The following PRKACB variants were observed in gnomAD, a reference collection of about 807,000 sequenced individuals.
PRKACB encodes protein kinase cAMP-activated catalytic subunit beta.
Under a neutral mutation model 51.4 loss-of-function variants are expected in PRKACB, and 16 were observed. The observed-to-expected ratio is 0.31, with a 90% CI of 0.21 to 0.47. The LOEUF is 0.47. Ranked by LOEUF, PRKACB falls within the 20% of genes least tolerant of loss-of-function variation. PRKACB has a pLI of 1.00. For synonymous variants in PRKACB, 147 were observed against 154.4 expected, an observed-to-expected ratio of 0.95 and a Z score of 0.35; for missense variants, 309 against 464.5, an observed-to-expected ratio of 0.67 and a Z score of 3.08.
chr1:84,083,158 C>T (rs1362428508), intron 1 of PRKACB, among the ~76,000 whole-genome samples: 1 of 152,104 alleles, frequency 6.6e-6, no homozygotes, highest in Non-Finnish European at 1.5e-5. Flanking sequence ...TTACTTAGGT[C>T]TTTACACCTT....
intron 1 of PRKACB, among the ~76,000 whole-genome samples, chr1:84,100,515 T>C (rs1414549468): frequency 6.6e-6 from 1 of 152,196 alleles, no homozygotes; most frequent in African/African-American, 2.4e-5. Flanking sequence ...GTAAGAATAC[T>C]GAGGCTTAGA....
chr1:84,105,149 A>G (rs952283365), intron 1 of PRKACB, among the ~76,000 whole-genome samples: 5 of 152,222 alleles, frequency 3.3e-5, no homozygotes, highest in Non-Finnish European at 7.3e-5. Flanking sequence ...GTAAATAACC[A>G]ATGTAGTCCT....
rs540136128 is a variant in PRKACB, at chr1:84,176,928, C to G, written c.188-2249C>G. On this transcript the variant is annotated intron_variant, in intron 1 of 9. Coordinates refer to ENST00000370685, the MANE Select transcript of PRKACB (RefSeq NM_182948.4). ...CGGAAATTTTTCTTTTAGCTTATCACCAGGCAGGGAAAAGGAATTTTTTTC... is the reference window on the plus strand; with the variant it reads ...CGGAAATTTTTCTTTTAGCTTATCAGCAGGCAGGGAAAAGGAATTTTTTTC... Among the ~76,000 whole-genome samples, 5 of 151,954 alleles carry G rather than the reference C, an allele frequency of 3.3e-5. No homozygotes were observed. In the East Asian group the frequency reaches 9.7e-4, roughly 29 times the overall value.
intron 2 of PRKACB, chr1:84,181,531 C>G (rs886714427): frequency 1.0e-5 from 5 of 479,124 alleles, no homozygotes; most frequent in Non-Finnish European, 1.7e-5. Flanking sequence ...AAAAAAGAGT[C>G]TGATTATTGT....
intron 3 of PRKACB, among the ~76,000 whole-genome samples, chr1:84,183,414 TTGTG>T (rs1233825495): frequency 1.3e-5 from 2 of 151,862 alleles, no homozygotes; most frequent in African/African-American, 2.4e-5. Context: ...CCCCAATATT[TTGTG>T]TGTCCTCTTC....
intron 1 of PRKACB, chr1:84,173,390 C>CT (rs770206738): frequency 2.7e-5 from 40 of 1,493,438 alleles, no homozygotes; most frequent in Non-Finnish European, 3.6e-5. Flanking sequence ...AATTCTGTTA[C>CT]TTTGATTATC....
chr1:84,080,529 AG>A (rs1647444030), intron 1 of PRKACB, among the ~76,000 whole-genome samples: 1 of 152,208 alleles, frequency 6.6e-6, no homozygotes, highest in Non-Finnish European at 1.5e-5. Context: ...TATGTGTCAT[AG>A]GGAAAATTAT....
chr1:84,214,400 CAT>C, intron 9 of PRKACB, 83 bp downstream of exon 9: 3 of 1,276,584 alleles, frequency 2.4e-6, no homozygotes, highest in African/African-American at 3.1e-5. Context: ...CAACTTAACA[CAT>C]AGTTTTAATT....
intron 1 of PRKACB, among the ~76,000 whole-genome samples, chr1:84,098,862 G>A (rs1211118623): frequency 6.6e-6 from 1 of 152,014 alleles, no homozygotes; most frequent in Non-Finnish European, 1.5e-5. Flanking sequence ...TGGAATTTGT[G>A]CATTTTAAGG....
chr1:84,233,496 T>C (rs1676101494), intron 9 of PRKACB, among the ~76,000 whole-genome samples: 2 of 127,342 alleles, frequency 1.6e-5, no homozygotes, highest in Admixed American at 1.7e-4. Flanking sequence ...CTGGATAATA[T>C]CCTGCAGAGT....
At position 84,182,207 on chromosome 1, in the gene PRKACB, C is replaced by T; in HGVS notation, c.257C>T (p.Ala86Val). 1.3e-6 allele frequency: 2 copies of T among 1,560,314 alleles called. No individual in the cohort carries two copies. Among genetic ancestry groups the T allele is most frequent in the South Asian group, 1.2e-5 (1 of 82,738 alleles). Reference protein sequence around the residue: ...KKWENPTQNNAGLEDFERKKT... With the variant: ...KKWENPTQNNVGLEDFERKKT... ...TTATGTATTTACATATAGAATAATG[C>T]CGGACTTGAAGATTTTGAAAGGAAA... Residue 86 changes from alanine to valine, a missense_variant, in exon 3 of 10, where the codon GCC becomes GTC. Physicochemically the swap from Ala to Val is moderately conservative, Grantham distance 64. Transcript: ENST00000370685.
chr1:84,164,917 C>G, intron 1 of PRKACB: 1 of 1,503,332 alleles, frequency 6.7e-7, no homozygotes, highest in Non-Finnish European at 8.9e-7. Flanking sequence ...TTTACACCAT[C>G]GGTTCTTCTC....
At position 84,214,139 on chromosome 1, in the gene PRKACB, G is replaced by T. The variant is rs372018748; in HGVS notation, c.907-14G>T. 3 of 1,587,900 alleles carry T rather than the reference G, an allele frequency of 1.9e-6. No individual in the cohort carries two copies. Among genetic ancestry groups the T allele is most frequent in the South Asian group, 2.3e-5 (2 of 86,180 alleles). The stretch of plus-strand genomic sequence containing the variant: ...CTTAGAATGTGTGTTTTACCAAATG[G>T]TGTGTTTGTGTAGGTCCGATTCCCA... On this transcript the variant is annotated splice_polypyrimidine_tract_variant and intron_variant, in intron 8 of 9. Transcript: ENST00000370685.
At chr1:84,099,736 C>T (rs370912978) in intron 1 of PRKACB, among the ~76,000 whole-genome samples, 170 of 151,828 alleles carry the variant, frequency 1.1e-3, no homozygotes, top group African/African-American at 3.9e-3. Flanking sequence ...TCATAATTCA[C>T]GCAGTTACTT....
intron 8 of PRKACB, among the ~76,000 whole-genome samples, chr1:84,210,537 C>T (rs1671973042): frequency 6.6e-6 from 1 of 152,092 alleles, no homozygotes; most frequent in African/African-American, 2.4e-5. Context: ...AGTTGGTAGC[C>T]TCACAGGAGC....
At chr1:84,139,013 A>G (rs1653120307) in intron 1 of PRKACB, among the ~76,000 whole-genome samples, 1 of 151,454 alleles carries the variant, frequency 6.6e-6, no homozygotes, top group East Asian at 1.9e-4. Context: ...CTAACCCAGG[A>G]AAAAAAAAGG....
In PRKACB at chr1:84,165,097, A is replaced by G. The variant is rs1192355410; in HGVS notation, c.188-14080A>G. On this transcript the variant is annotated intron_variant, in intron 1 of 9. Transcript: ENST00000370685. Reference sequence around the variant, plus strand: ...AAAAAATATTTTTAAAGGGACAGTTATAAAGCCACAGCTACTGTGAATTAT... The same window carrying G: ...AAAAAATATTTTTAAAGGGACAGTTGTAAAGCCACAGCTACTGTGAATTAT... 1.6e-5 allele frequency: 17 copies of G among 1,081,654 alleles called. No homozygotes were observed. In the East Asian group the frequency reaches 4.0e-4, roughly 25 times the overall value. 67.0% of individuals were successfully genotyped at this position (1,081,654 alleles called of 1,614,324 possible). A position where few individuals can be genotyped will look rare whatever the true frequency, so the allele number is the denominator to read the frequency against.
At chr1:84,124,711 A>C (rs1286029673) in intron 1 of PRKACB, among the ~76,000 whole-genome samples, 1 of 152,164 alleles carries the variant, frequency 6.6e-6, no homozygotes. Context: ...CATGCCCTGC[A>C]CCATTTCTGT....
chr1:84,219,273 A>G (rs1267275556), intron 9 of PRKACB, among the ~76,000 whole-genome samples: 1 of 148,278 alleles, frequency 6.7e-6, no homozygotes, highest in Non-Finnish European at 1.5e-5. Flanking sequence ...TGCCCAGGCT[A>G]GAGTGCAACG....
Sources: gnomAD v4.1 joint callset for allele counts (sites outside exome capture counted in the v4.1 genomes callset) on GRCh38, gnomAD v4.1.1 for gene constraint, MANE v1.5 for transcripts, NCBI Gene and HGNC (gene_info 2026-07-23, HGNC 2026-07-21) for gene names.